The following NEGR1 variants were observed in gnomAD, a reference collection of about 807,000 sequenced individuals.
The protein encoded by NEGR1 is neuronal growth regulator 1, also known as IgLON family member 4.
In NEGR1, 10 loss-of-function variants were observed where a neutral mutation model predicts 40.9. That is an observed-to-expected ratio of 0.24 (90% CI 0.15 to 0.42). The LOEUF is 0.42. Ranked by LOEUF, NEGR1 falls within the 10% of genes least tolerant of loss-of-function variation. The probability of loss-of-function intolerance (pLI) is 1.00; values close to 1 mark genes in which losing one functional copy is unlikely to be tolerated. For synonymous variants in NEGR1, 185 were observed against 166.8 expected, an observed-to-expected ratio of 1.11 and a Z score of -0.84; for missense variants, 352 against 438.9, an observed-to-expected ratio of 0.80 and a Z score of 1.77.
chr1:72,261,998 C>A (rs1022922009), intron 1 of NEGR1, among the ~76,000 whole-genome samples: 1 of 151,926 alleles, frequency 6.6e-6, no homozygotes, highest in African/African-American at 2.4e-5. Flanking sequence ...TGCACTTGCA[C>A]CCCCTAAATC....
At chr1:71,552,205 C>G (rs1383864123) in intron 6 of NEGR1, among the ~76,000 whole-genome samples, 2 of 151,352 alleles carry the variant, frequency 1.3e-5, no homozygotes, top group Non-Finnish European at 3.0e-5. Context: ...CTTGTTCTGC[C>G]TTTAGCAAGA....
intron 6 of NEGR1, among the ~76,000 whole-genome samples, chr1:71,506,263 C>T (rs191289123): frequency 1.4e-3 from 211 of 152,252 alleles, no homozygotes; most frequent in African/African-American, 4.6e-3. Context: ...AGCCCTGGTC[C>T]TGGCCCTCTC....
intron 1 of NEGR1, among the ~76,000 whole-genome samples, chr1:72,008,665 C>T (rs1003995786): frequency 6.6e-5 from 10 of 152,182 alleles, no homozygotes; most frequent in African/African-American, 2.2e-4. Flanking sequence ...AAAGTTTAGC[C>T]TTGGCCTATG....
chr1:72,091,997 T>C (rs1379000903), intron 1 of NEGR1, among the ~76,000 whole-genome samples: 1 of 152,128 alleles, frequency 6.6e-6, no homozygotes, highest in Non-Finnish European at 1.5e-5. Context: ...TATAATCTTA[T>C]CTCCAAATAC....
intron 6 of NEGR1, among the ~76,000 whole-genome samples, chr1:71,505,472 G>A (rs929001970): frequency 6.6e-6 from 1 of 152,036 alleles, no homozygotes; most frequent in African/African-American, 2.4e-5. Context: ...TAGTAGAGAC[G>A]GGGTTTCACC....
At chr1:71,498,550 T>A (rs550397419) in intron 6 of NEGR1, among the ~76,000 whole-genome samples, 15 of 152,188 alleles carry the variant, frequency 9.9e-5, no homozygotes, top group African/African-American at 3.6e-4. Flanking sequence ...ATCCTGCAAT[T>A]CCTCCAAATA....
At chr1:71,880,098 T>C (rs995348921) in intron 2 of NEGR1, among the ~76,000 whole-genome samples, 1 of 152,120 alleles carries the variant, frequency 6.6e-6, no homozygotes, top group African/African-American at 2.4e-5. Flanking sequence ...TTCAGAAGTA[T>C]GTTAACTTTA....
At chr1:72,106,910 G>A (rs1649156902) in intron 1 of NEGR1, among the ~76,000 whole-genome samples, 1 of 151,764 alleles carries the variant, frequency 6.6e-6, no homozygotes, top group Non-Finnish European at 1.5e-5. Flanking sequence ...CCTGTTTCAT[G>A]TCATGAATTC....
chr1:71,456,450 G>T (rs928990440), intron 6 of NEGR1, among the ~76,000 whole-genome samples: 1 of 152,144 alleles, frequency 6.6e-6, no homozygotes, highest in Admixed American at 6.5e-5. Flanking sequence ...TTATCCTACT[G>T]CTGTGTCCCT....
chr1:71,424,085 G>GA (rs11448331), intron 6 of NEGR1, among the ~76,000 whole-genome samples: 140,665 of 147,096 alleles, frequency 0.96, 67,482 homozygotes, highest in South Asian at 0.99. Flanking sequence ...GGACTTTAAA[G>GA]AAAAAAAAAA....
intron 1 of NEGR1, among the ~76,000 whole-genome samples, chr1:72,252,784 C>A (rs1655147176): frequency 6.6e-6 from 1 of 152,082 alleles, no homozygotes; most frequent in Admixed American, 6.5e-5. Context: ...TCTCTGAAAG[C>A]AGTATATGAT....
At chr1:71,959,210 A>C (rs2100291802) in intron 1 of NEGR1, among the ~76,000 whole-genome samples, 1 of 152,206 alleles carries the variant, frequency 6.6e-6, no homozygotes, top group African/African-American at 2.4e-5. Context: ...CATCTACCTA[A>C]AATCTATATA....
intron 1 of NEGR1, among the ~76,000 whole-genome samples, chr1:72,233,035 T>C (rs980000868): frequency 6.6e-6 from 1 of 152,178 alleles, no homozygotes; most frequent in African/African-American, 2.4e-5. Context: ...TCCTATTTTT[T>C]CACTCAATTT....
intron 2 of NEGR1, among the ~76,000 whole-genome samples, chr1:71,807,857 CT>C (rs1242742707): frequency 6.6e-6 from 1 of 151,978 alleles, no homozygotes; most frequent in African/African-American, 2.4e-5. Context: ...TAAGCACATT[CT>C]TTTTTATTTA....
At chr1:72,034,856 T>G (rs1010120959) in intron 1 of NEGR1, among the ~76,000 whole-genome samples, 3 of 152,190 alleles carry the variant, frequency 2.0e-5, no homozygotes, top group Non-Finnish European at 4.4e-5. Context: ...AACCATTTTT[T>G]CGCTAACAGG....
At position 72,046,508 on chromosome 1, in the gene NEGR1, G is replaced by A. The variant is rs531735145; in HGVS notation, c.177-111197C>T. On this transcript the variant is annotated intron_variant, in intron 1 of 6. Transcript: ENST00000357731. ...AATAAATTATAGCTTCATGATTATA[G>A]CCAGATAAATGACCTGAAGCAACAG... is the stretch of plus-strand genomic sequence containing the variant. Among the ~76,000 whole-genome samples the A allele has an allele frequency of 3.3e-4, 50 of 151,666 alleles. No homozygotes were observed. The East Asian group carries it at 8.5e-3, about 26-fold the overall frequency.
intron 4 of NEGR1, among the ~76,000 whole-genome samples, chr1:71,631,839 G>C (rs1261942393): frequency 6.6e-6 from 1 of 151,722 alleles, no homozygotes; most frequent in African/African-American, 2.4e-5. Flanking sequence ...GAATTAACAA[G>C]AAAGATTTTT....
At chr1:72,196,109 T>G (rs921285483) in intron 1 of NEGR1, among the ~76,000 whole-genome samples, 4 of 152,006 alleles carry the variant, frequency 2.6e-5, no homozygotes, top group African/African-American at 9.7e-5. Flanking sequence ...AAAAGGAGAT[T>G]CCTAATAATG....
intron 1 of NEGR1, among the ~76,000 whole-genome samples, chr1:72,112,262 C>T (rs1394009240): frequency 3.0e-5 from 4 of 132,996 alleles, no homozygotes; most frequent in African/African-American, 9.1e-5. Context: ...TACACTTTTA[C>T]GTTTAAAAAA....
Sources: allele counts gnomAD v4.1 joint callset (sites outside exome capture counted in the v4.1 genomes callset), GRCh38; gene constraint gnomAD v4.1.1; transcripts MANE v1.5; gene names NCBI Gene and HGNC (gene_info 2026-07-23, HGNC 2026-07-21).